TAP2: variants seen among roughly 807,000 people sequenced by gnomAD.
TAP2 encodes the protein transporter 2, ATP binding cassette subfamily B member, also known as antigen peptide transporter 2.
A neutral mutation model predicts 74.7 loss-of-function variants in TAP2; 49 were observed. The observed-to-expected ratio is 0.66, with a 90% CI of 0.52 to 0.83. The LOEUF is 0.83. TAP2 is among the 40% of genes least tolerant of loss of function. The pLI, the probability that TAP2 is intolerant of heterozygous loss-of-function variation, is 0.00. For missense variants in TAP2, 739 were observed against 859.0 expected, an observed-to-expected ratio of 0.86 and a Z score of 1.75; for synonymous variants, 306 against 368.4, an observed-to-expected ratio of 0.83 and a Z score of 1.94.
At position 32,838,049 on chromosome 6, in the gene TAP2, A is replaced by G; in HGVS notation, c.185T>C (p.Val62Ala). The change falls in exon 2 of 12, where the codon GTG becomes GCG. Residue 62 changes from valine (V) to alanine (A), a missense_variant. Coordinates refer to ENST00000374897, the MANE Select transcript of TAP2 (RefSeq NM_001290043.2). ...ACAGAGCGGGAGCAGCAGTGTCCCCACAAATCCCAGCAGCCCTCTTAGCTT... is the reference window on the plus strand; with the variant it reads ...ACAGAGCGGGAGCAGCAGTGTCCCCGCAAATCCCAGCAGCCCTCTTAGCTT... ...LLKLRGLLGFVGTLLLPLCLA... is the reference protein window; with the variant it reads ...LLKLRGLLGFAGTLLLPLCLA... 1 of 1,612,118 alleles carries G rather than the reference A, an allele frequency of 6.2e-7. No individual in the cohort carries two copies. The highest frequency in any genetic ancestry group is 1.7e-4 in the Middle Eastern group (1 of 5,952).
At position 32,838,087 on chromosome 6, in the gene TAP2, C is replaced by T. The variant is rs1412588972; in HGVS notation, c.147G>A (p.Leu49=). The T allele has an allele frequency of 6.2e-7, 1 of 1,612,096 alleles. No individual in the cohort carries two copies. Among genetic ancestry groups the T allele is most frequent in the Non-Finnish European group, 8.5e-7 (1 of 1,179,662 alleles). The change falls in exon 2 of 12, where the codon CTG becomes CTA. Residue 49 remains leucine, a synonymous_variant. Coordinates refer to ENST00000374897, the MANE Select transcript of TAP2 (RefSeq NM_001290043.2). ...WLEGTLRLGG[L]WGLLKLRGLL... ...GCCCTCTTAGCTTTAGCAGCCCCCA[C>T]AGCCCTCCCAGCCGCAGGGTCCCCT...
At chr6:32,829,327 A>G (rs1199519823) in intron 11 of TAP2, 73 bp downstream of exon 11, 9 of 1,550,420 alleles carry the variant, frequency 5.8e-6, no homozygotes, top group African/African-American at 2.7e-5. Flanking sequence ...CCTCTGCCCA[A>G]TTCTGCACAG....
chr6:32,833,321 C>T (rs1164076784), intron 5 of TAP2, among the ~76,000 whole-genome samples: 4 of 152,100 alleles, frequency 2.6e-5, no homozygotes, highest in Non-Finnish European at 5.9e-5. Context: ...GAATTTAAAA[C>T]GTTTGTGCAT....
At chr6:32,830,245 T>C (rs532248140) in intron 9 of TAP2, 22 bp downstream of exon 9, 36 of 1,579,522 alleles carry the variant, frequency 2.3e-5, no homozygotes, top group African/African-American at 2.9e-5. Context: ...TCCTGTCCCC[T>C]GTCTTCTCCC....
Position 32,829,400 on chromosome 6 carries a change from G to A in TAP2, c.1932C>T (p.Ala644=), listed in dbSNP as rs200318579. 74 of 1,595,080 alleles carry A rather than the reference G, an allele frequency of 4.6e-5. No homozygotes were observed. The East Asian group carries it at 1.4e-3, about 30-fold the overall frequency. The part of the protein sequence containing the change: ...TSALDVQCEQ[A]LQDWNSRGDR... ...TCCCCTGCCCTCTCACGGTACTCAC[G>A]GCCTGCTCGCACTGCACATCTAGGG... Residue 644 remains alanine (A), a splice_region_variant and synonymous_variant, in exon 11 of 12, where the codon GCC becomes GCT. Transcript: ENST00000374897.
downstream of TAP2, among the ~76,000 whole-genome samples, chr6:32,825,126 T>TTATATATATATATATATATATATATATA (rs28381588): frequency 9.9e-5 from 14 of 140,776 alleles, no homozygotes; most frequent in Admixed American, 1.5e-4. Context: ...TGTCTGTTGG[T>TTATATATATATATATATATATATATATA]TATATACATA....
chr6:32,830,919 A>G, intron 7 of TAP2, 113 bp from the exon 8 acceptor site: 2 of 954,966 alleles, frequency 2.1e-6, no homozygotes, highest in East Asian at 2.6e-5. Flanking sequence ...TCCATACTCA[A>G]AAGAGATTCT....
chr6:32,823,037 G>A (rs1284615829), downstream of TAP2, among the ~76,000 whole-genome samples: 8 of 149,724 alleles, frequency 5.3e-5, 1 homozygote, highest in Admixed American at 2.7e-4. Flanking sequence ...CTCCTGCCTC[G>A]GCCTCCCAAG....
At position 32,832,938 on chromosome 6, in the gene TAP2, C is replaced by A. The variant is rs982032433; in HGVS notation, c.946-114G>T. On this transcript the variant is annotated intron_variant, in intron 5 of 11. Coordinates refer to ENST00000374897, the MANE Select transcript of TAP2 (RefSeq NM_001290043.2). The surrounding 1 kb of genome is among the most constrained non-coding windows in gnomAD (Gnocchi z 5.9). The stretch of plus-strand genomic sequence containing the variant: ...TCTACCTAAAAATACCAAACTGTTT[C>A]TCTCCCTCTTCCTTACTCTTCTTTC... 16 of 1,159,406 alleles carry A rather than the reference C, an allele frequency of 1.4e-5. No homozygotes were observed. Among genetic ancestry groups the A allele is most frequent in the Admixed American group, 1.3e-4 (7 of 51,860 alleles). 71.8% of individuals were successfully genotyped at this position (1,159,406 alleles called of 1,614,324 possible).
chr6:32,837,122 A>G (rs536494908), intron 3 of TAP2, among the ~76,000 whole-genome samples: 2 of 152,316 alleles, frequency 1.3e-5, no homozygotes, highest in East Asian at 1.9e-4. Flanking sequence ...GAGCTGGGAA[A>G]GAAGAGTGAA....
Position 32,826,890 on chromosome 6 carries a change from C to G in TAP2, c.*2016G>C, listed in dbSNP as rs749115250. On this transcript the variant is annotated 3_prime_UTR_variant, in exon 12 of 12. Transcript: ENST00000374897. ...GCAGCTTCCATGTAGTTGGGAGATA[C>G]AGGAATTATTATTCCTGTTTTATGA... 2.0e-5 allele frequency: 20 copies of G among 985,258 alleles called. No individual in the cohort carries two copies. The highest frequency in any genetic ancestry group is 2.4e-5 in the Non-Finnish European group (20 of 829,934). The allele number at this position is 985,258 out of a possible 1,614,324, so 61.0% of individuals were successfully genotyped here.
chr6:32,833,428 T>C (rs1303537830), intron 5 of TAP2, among the ~76,000 whole-genome samples: 2 of 151,972 alleles, frequency 1.3e-5, no homozygotes, highest in African/African-American at 4.8e-5. Context: ...GCAAAACATA[T>C]AGTGAACTCC....
Position 32,835,310 on chromosome 6 carries a change from C to G in TAP2, c.789G>C (p.Trp263Cys). 6.2e-7 allele frequency: 1 copy of G among 1,613,094 alleles called. No individual in the cohort carries two copies. Among genetic ancestry groups the G allele is most frequent in the South Asian group, 1.1e-5 (1 of 91,086 alleles). Residue 263 changes from tryptophan (W) to cysteine (C), a missense_variant, in exon 5 of 12, where the codon TGG becomes TGC. Physicochemically the swap from Trp to Cys is radical, Grantham distance 215. Transcript: ENST00000374897. This position sits in a 1 kb window ranked among gnomAD's most constrained non-coding sequence, Gnocchi z 4.0. ...AGAGCACATTGGCATTTAAAGGAAGCCAGTTACTCATCAGGGTGGTATCCG... is the reference window on the plus strand; with the variant it reads ...AGAGCACATTGGCATTTAAAGGAAGGCAGTTACTCATCAGGGTGGTATCCG... The part of the protein sequence containing the change: ...LSSDTTLMSN[W>C]LPLNANVLLR...
chr6:32,822,236 T>C, downstream of TAP2: 1 of 1,375,502 alleles, frequency 7.3e-7, no homozygotes, highest in Non-Finnish European at 1.0e-6. Flanking sequence ...GATGCTTTGT[T>C]CCACATATTC....
At chr6:32,829,795 A>C in intron 10 of TAP2, 135 bp downstream of exon 10, 2 of 1,249,852 alleles carry the variant, frequency 1.6e-6, no homozygotes, top group African/African-American at 1.5e-5. Context: ...TGTGTGGGGA[A>C]GGAGACGTAG....
chr6:32,826,579 T>C lies in TAP2; in HGVS notation c.*2327A>G. 1.3e-5 allele frequency: 13 copies of C among 985,440 alleles called. No individual in the cohort carries two copies. The highest frequency in any genetic ancestry group is 1.6e-5 in the Non-Finnish European group (13 of 829,940). 61.0% of individuals were successfully genotyped at this position (985,440 alleles called of 1,614,324 possible). A position where few individuals can be genotyped will look rare whatever the true frequency, so the allele number is the denominator to read the frequency against. Reference sequence around the variant, plus strand: ...TATTTTGACTTTCAGGGAGCATTTTTCTGTGTCCCTGACATAAAGCCTACC... The same window carrying C: ...TATTTTGACTTTCAGGGAGCATTTTCCTGTGTCCCTGACATAAAGCCTACC... On this transcript the variant is annotated 3_prime_UTR_variant, in exon 12 of 12. Coordinates refer to ENST00000374897, the MANE Select transcript of TAP2 (RefSeq NM_001290043.2).
chr6:32,830,304 G>C lies in TAP2; in HGVS notation c.1598C>G (p.Pro533Arg). 1 of 1,613,032 alleles carries C rather than the reference G, an allele frequency of 6.2e-7. No individual in the cohort carries two copies. The highest frequency in any genetic ancestry group is 8.5e-7 in the Non-Finnish European group (1 of 1,180,020). The change falls in exon 9 of 12, where the codon CCC (proline) becomes CGC (arginine). Residue 533 changes from proline to arginine, a missense_variant. Transcript: ENST00000374897. ...TGGQVLLDEK[P>R]ISQYEHCYLH... ...GTAGCAGTGTTCATACTGTGAGATG[G>C]GCTTTTCATCCAGCAGCACCTGTCC...
At chr6:32,836,891 C>T (rs1769451917) in intron 3 of TAP2, among the ~76,000 whole-genome samples, 1 of 152,146 alleles carries the variant, frequency 6.6e-6, no homozygotes, top group Admixed American at 6.5e-5. Flanking sequence ...AAAATAGAGA[C>T]AATCAGGCCG....
In TAP2 at chr6:32,832,764, C is replaced by T. The variant is rs1243600800; in HGVS notation, c.1006G>A (p.Val336Ile). 2.5e-6 allele frequency: 4 copies of T among 1,613,080 alleles called. No individual in the cohort carries two copies. Among genetic ancestry groups the T allele is most frequent in the South Asian group, 1.1e-5 (1 of 91,084 alleles). The change falls in exon 6 of 12, where the codon GTT (valine) becomes ATT (isoleucine). Residue 336 changes from valine (V) to isoleucine (I), a missense_variant. Coordinates refer to ENST00000374897, the MANE Select transcript of TAP2 (RefSeq NM_001290043.2). This position sits in a 1 kb window ranked among gnomAD's most constrained non-coding sequence, Gnocchi z 5.9. ...ARAGQVVREAVGGLQTVRSFG... is the reference protein window; with the variant it reads ...ARAGQVVREAIGGLQTVRSFG... ...CTGCGAACGGTCTGCAGCCCTCCAA[C>T]GGCTTCCCGCACCACCTGCCCCGCC...
Sources: allele counts gnomAD v4.1 joint callset (sites outside exome capture counted in the v4.1 genomes callset), GRCh38; gene constraint gnomAD v4.1.1; non-coding constraint Gnocchi (gnomAD v3.1); transcripts MANE v1.5; gene names NCBI Gene and HGNC (gene_info 2026-07-23, HGNC 2026-07-21).